The following GRIN2A variants were observed in gnomAD, a reference collection of about 807,000 sequenced individuals.
GRIN2A encodes glutamate ionotropic receptor NMDA type subunit 2A, also known as glutamate receptor ionotropic, NMDA 2A.
Under a neutral mutation model 113.4 loss-of-function variants are expected in GRIN2A, and 22 were observed. The observed-to-expected ratio is 0.19, with a 90% CI of 0.14 to 0.28. The LOEUF is 0.28. Ranked by LOEUF, GRIN2A falls within the 10% of genes least tolerant of loss-of-function variation. The probability of loss-of-function intolerance (pLI) is 1.00; values close to 1 mark genes in which losing one functional copy is unlikely to be tolerated. For missense variants in GRIN2A, 1,502 were observed against 1,887.0 expected, an observed-to-expected ratio of 0.80 and a Z score of 3.78; for synonymous variants, 827 against 738.4, an observed-to-expected ratio of 1.12 and a Z score of -1.94.
intron 12 of GRIN2A, among the ~76,000 whole-genome samples, chr16:9,765,230 G>C (rs990664896): frequency 1.3e-5 from 2 of 152,192 alleles, no homozygotes; most frequent in African/African-American, 4.8e-5. Context: ...TCATACAACT[G>C]TCAATGCCTC....
chr16:10,118,551 A>T (rs985979313), intron 2 of GRIN2A, among the ~76,000 whole-genome samples: 5 of 152,160 alleles, frequency 3.3e-5, no homozygotes, highest in African/African-American at 9.7e-5. Flanking sequence ...TACATGCCCA[A>T]TCCTCTGGTA....
chr16:10,140,559 T>C (rs538197782), intron 2 of GRIN2A, among the ~76,000 whole-genome samples: 2 of 152,296 alleles, frequency 1.3e-5, no homozygotes, highest in African/African-American at 4.8e-5. Context: ...CAGAAAACAC[T>C]CTTTCTTCTG....
chr16:10,140,684 T>C (rs1016457077), intron 2 of GRIN2A, among the ~76,000 whole-genome samples: 3 of 152,106 alleles, frequency 2.0e-5, no homozygotes, highest in Non-Finnish European at 2.9e-5. Context: ...AGTCAGTGTA[T>C]TCCTATCCTG....
intron 2 of GRIN2A, among the ~76,000 whole-genome samples, chr16:10,152,595 G>C (rs1454836450): frequency 2.0e-5 from 3 of 152,018 alleles, no homozygotes; most frequent in Non-Finnish European, 4.4e-5. Flanking sequence ...ACCCTTCTTG[G>C]TTTCATGTTC....
chr16:9,806,315 G>C (rs2041965309), intron 10 of GRIN2A, among the ~76,000 whole-genome samples: 1 of 152,122 alleles, frequency 6.6e-6, no homozygotes, highest in South Asian at 2.1e-4. Context: ...GGTCAAAATT[G>C]TACAGAGATC....
chr16:10,095,880 G>C (rs557484945), intron 2 of GRIN2A, among the ~76,000 whole-genome samples: 3 of 151,972 alleles, frequency 2.0e-5, no homozygotes, highest in African/African-American at 2.4e-5. Context: ...CAAAAAAAAA[G>C]TGTGAAAGAA....
chr16:9,885,335 T>C (rs2043567085), intron 4 of GRIN2A, among the ~76,000 whole-genome samples: 1 of 152,150 alleles, frequency 6.6e-6, no homozygotes, highest in Non-Finnish European at 1.5e-5. Context: ...GTTTTGTTTT[T>C]GAGCATCTCT....
intron 2 of GRIN2A, among the ~76,000 whole-genome samples, chr16:10,086,412 G>C (rs1019605553): frequency 6.6e-6 from 1 of 152,102 alleles, no homozygotes; most frequent in African/African-American, 2.4e-5. Flanking sequence ...AGGAGAGATT[G>C]TGCATTCTGC....
chr16:9,911,878 CT>C (rs1414293716), intron 3 of GRIN2A, among the ~76,000 whole-genome samples: 1 of 152,170 alleles, frequency 6.6e-6, no homozygotes, highest in Admixed American at 6.5e-5. Context: ...CTTAGTCAAG[CT>C]GAAAAGCAGC....
At chr16:10,111,597 T>G (rs962445068) in intron 2 of GRIN2A, 28 of 1,098,640 alleles carry the variant, frequency 2.5e-5, no homozygotes, top group Non-Finnish European at 8.3e-6. Flanking sequence ...CTATGGACAC[T>G]GAGACAGAGG....
intron 10 of GRIN2A, among the ~76,000 whole-genome samples, chr16:9,803,250 CA>C (rs368823628): frequency 1.3e-5 from 2 of 151,560 alleles, no homozygotes; most frequent in East Asian, 1.9e-4. Flanking sequence ...ACTAAAATTA[CA>C]AAAAAAATAG....
At chr16:10,110,522 A>G (rs1443986230) in intron 2 of GRIN2A, among the ~76,000 whole-genome samples, 1 of 152,190 alleles carries the variant, frequency 6.6e-6, no homozygotes, top group Non-Finnish European at 1.5e-5. Context: ...AAGCTATTGG[A>G]GTGATCCAGG....
intron 2 of GRIN2A, among the ~76,000 whole-genome samples, chr16:10,066,846 GC>G (rs2047658284): frequency 6.6e-6 from 1 of 152,164 alleles, no homozygotes; most frequent in Admixed American, 6.5e-5. Context: ...CATCATAGCA[GC>G]ATTATTCACA....
chr16:9,781,069 C>A (rs1336680850), intron 11 of GRIN2A, among the ~76,000 whole-genome samples: 1 of 150,682 alleles, frequency 6.6e-6, no homozygotes, highest in Non-Finnish European at 1.5e-5. Context: ...TCTATCACAA[C>A]TACTCAACTC....
chr16:10,047,529 T>C (rs1199090317), intron 2 of GRIN2A, among the ~76,000 whole-genome samples: 2 of 152,254 alleles, frequency 1.3e-5, no homozygotes, highest in African/African-American at 2.4e-5. Context: ...TTCTTTACTT[T>C]GTTCTATGAA....
At chr16:9,914,496 A>G (rs2044203445) in intron 3 of GRIN2A, among the ~76,000 whole-genome samples, 1 of 152,238 alleles carries the variant, frequency 6.6e-6, no homozygotes, top group Non-Finnish European at 1.5e-5. Flanking sequence ...TGGCTTCTGA[A>G]CAGCACAGGC....
At chr16:9,957,414 C>A (rs573703624) in intron 2 of GRIN2A, among the ~76,000 whole-genome samples, 1 of 152,186 alleles carries the variant, frequency 6.6e-6, no homozygotes, top group Non-Finnish European at 1.5e-5. Context: ...TTCACTTCTG[C>A]GAGCACTCTT....
At position 9,758,915 on chromosome 16, in the gene GRIN2A, A is replaced by G. The variant is rs1017589631; in HGVS notation, c.*4234T>C. 5 of 220,798 alleles carry G rather than the reference A, an allele frequency of 2.3e-5. No homozygotes were observed. The highest frequency in any genetic ancestry group is 6.6e-5 in the East Asian group (1 of 15,136). The allele number at this position is 220,798 out of a possible 1,614,324, so 13.7% of individuals were successfully genotyped here. On this transcript the variant is annotated 3_prime_UTR_variant, in exon 13 of 13. Transcript: ENST00000330684. ...TTTGGAAGGAAAATTGCCTTTACATAGAACCCTTCACTCATTAAATATCAA... is the reference window on the plus strand; with the variant it reads ...TTTGGAAGGAAAATTGCCTTTACATGGAACCCTTCACTCATTAAATATCAA...
chr16:10,132,978 T>C (rs2049098166), intron 2 of GRIN2A, among the ~76,000 whole-genome samples: 1 of 152,184 alleles, frequency 6.6e-6, no homozygotes, highest in African/African-American at 2.4e-5. Flanking sequence ...CCACATTCCT[T>C]AGCTCATGGC....
Sources: allele counts gnomAD v4.1 joint callset (sites outside exome capture counted in the v4.1 genomes callset), GRCh38; gene constraint gnomAD v4.1.1; transcripts MANE v1.5; gene names NCBI Gene and HGNC (gene_info 2026-07-23, HGNC 2026-07-21).